ZSWIM9: variants seen among roughly 807,000 people sequenced by gnomAD.
The protein encoded by ZSWIM9 is zinc finger SWIM-type containing 9.
Under a neutral mutation model 25.0 loss-of-function variants are expected in ZSWIM9, and 11 were observed. That is an observed-to-expected ratio of 0.44 (90% CI 0.28 to 0.73). ZSWIM9 has a LOEUF of 0.73. Ranked by LOEUF, ZSWIM9 falls within the 30% of genes least tolerant of loss-of-function variation. ZSWIM9 has a pLI of 0.16. For missense variants in ZSWIM9, 1,070 were observed against 1,296.5 expected (o/e 0.83, Z 2.68); for synonymous variants, 562 against 582.1 (o/e 0.97, Z 0.50).
Position 48,195,295 on chromosome 19 carries a change from C to T in ZSWIM9, c.1231C>T (p.Arg411Trp), listed in dbSNP as rs1015013177. 5.9e-6 allele frequency: 9 copies of T among 1,530,100 alleles called. No homozygotes were observed. The highest frequency in any genetic ancestry group is 7.9e-6 in the Non-Finnish European group (9 of 1,144,274). 94.8% of individuals were successfully genotyped at this position (1,530,100 alleles called of 1,614,324 possible). A position where few individuals can be genotyped will look rare whatever the true frequency, so the allele number is the denominator to read the frequency against. Reference protein sequence around the residue: ...DACALVRGHRRRLLRRLSPSR... With the variant: ...DACALVRGHRWRLLRRLSPSR... ...GTGTGCCCTGGTGCGAGGCCACCGCCGGCGACTGCTGCGTCGTCTCAGCCC... is the reference window on the plus strand; with the variant it reads ...GTGTGCCCTGGTGCGAGGCCACCGCTGGCGACTGCTGCGTCGTCTCAGCCC... Residue 411 changes from arginine to tryptophan, a missense_variant, in exon 4 of 4, where the codon CGG becomes TGG. Physicochemically the swap from Arg to Trp is moderately radical, Grantham distance 101. This residue lies in a region of ZSWIM9 where 184 missense variants were observed against 243.1 expected (regional missense o/e 0.76). Transcript: ENST00000614654. The surrounding 1 kb of genome is among the most constrained non-coding windows in gnomAD (Gnocchi z 5.8).
Position 48,195,895 on chromosome 19 carries a change from G to C in ZSWIM9, c.1831G>C (p.Gly611Arg). 1 of 1,392,874 alleles carries C rather than the reference G, an allele frequency of 7.2e-7. No individual in the cohort carries two copies. The highest frequency in any genetic ancestry group is 9.3e-7 in the Non-Finnish European group (1 of 1,078,252). The allele number at this position is 1,392,874 out of a possible 1,614,324, so 86.3% of individuals were successfully genotyped here. A position where few individuals can be genotyped will look rare whatever the true frequency, so the allele number is the denominator to read the frequency against. ...EDRRSTTDLR[G>R]TQFDYERVRS... is the part of the protein sequence containing the mutation. ...TCGCAGGAGTACCACCGACCTGAGG[G>C]GGACCCAGTTTGACTATGAGAGGGT... Residue 611 changes from glycine (G) to arginine (R), a missense_variant, in exon 4 of 4, where the codon GGG (glycine) becomes CGG (arginine). Around this residue, in one of 4 missense-constraint regions of ZSWIM9, gnomAD observed 583 missense variants for 624.7 expected, o/e 0.93. Coordinates refer to ENST00000614654, the MANE Select transcript of ZSWIM9 (RefSeq NM_199341.4). The surrounding 1 kb of genome is among the most constrained non-coding windows in gnomAD (Gnocchi z 5.8).
Position 48,195,406 on chromosome 19 carries a change from G to A in ZSWIM9, c.1342G>A (p.Asp448Asn), listed in dbSNP as rs1405562774. ...AAGEAVPEGP[D>N]GGGPWLEDEP... ...CGGGGAGGCGGTGCCCGAGGGGCCC[G>A]ATGGCGGGGGGCCTTGGCTGGAGGA... Residue 448 changes from aspartate (D) to asparagine (N), a missense_variant, in exon 4 of 4, where the codon GAT (aspartate) becomes AAT (asparagine). Asp to Asn is a conservative substitution (Grantham distance 23). Transcript: ENST00000614654. The surrounding 1 kb of genome is among the most constrained non-coding windows in gnomAD (Gnocchi z 5.8). 1.4e-6 allele frequency: 2 copies of A among 1,467,010 alleles called. No individual in the cohort carries two copies. The highest frequency in any genetic ancestry group is 2.6e-5 in the Admixed American group (1 of 39,082). 90.9% of individuals were successfully genotyped at this position (1,467,010 alleles called of 1,614,324 possible).
In ZSWIM9 at chr19:48,195,598, G is replaced by A. The variant is rs2037151547; in HGVS notation, c.1534G>A (p.Gly512Ser). The change falls in exon 4 of 4, where the codon GGT becomes AGT. Residue 512 changes from glycine (G) to serine (S), a missense_variant. Gly to Ser is a moderately conservative substitution (Grantham distance 56). Around this residue, in one of 4 missense-constraint regions of ZSWIM9, gnomAD observed 583 missense variants for 624.7 expected, o/e 0.93. Coordinates refer to ENST00000614654, the MANE Select transcript of ZSWIM9 (RefSeq NM_199341.4). This position sits in a 1 kb window ranked among gnomAD's most constrained non-coding sequence, Gnocchi z 5.8. ...AGACTGGGGCGGGGCTCAGTTCGAA[G>A]GTGAGAAGGGGAGGGCACTGCAGAT... ...TRDWGGAQFE[G>S]EKGRALQIRD... The A allele has an allele frequency of 3.5e-6, 5 of 1,420,768 alleles. No individual in the cohort carries two copies. The highest frequency in any genetic ancestry group is 3.0e-5 in the Admixed American group (1 of 33,078). 88.0% of individuals were successfully genotyped at this position (1,420,768 alleles called of 1,614,324 possible). A position where few individuals can be genotyped will look rare whatever the true frequency, so the allele number is the denominator to read the frequency against.
intron 2 of ZSWIM9, among the ~76,000 whole-genome samples, chr19:48,175,390 G>A (rs527731815): frequency 3.9e-5 from 6 of 152,108 alleles, no homozygotes; most frequent in African/African-American, 1.2e-4. Flanking sequence ...TCACTCTCTC[G>A]AGCTGCTCAA....
chr19:48,179,166 T>G (rs894560088), intron 2 of ZSWIM9, among the ~76,000 whole-genome samples: 4 of 152,090 alleles, frequency 2.6e-5, no homozygotes, highest in African/African-American at 9.7e-5. Flanking sequence ...CCCTTTCTTT[T>G]ATTTTCTTTT....
In ZSWIM9 at chr19:48,195,439, G is replaced by A. The variant is rs1349733405; in HGVS notation, c.1375G>A (p.Gly459Arg). The A allele has an allele frequency of 9.7e-6, 14 of 1,441,188 alleles. No individual in the cohort carries two copies. The East Asian group carries it at 3.8e-4, about 39-fold the overall frequency. The allele number at this position is 1,441,188 out of a possible 1,614,324, so 89.3% of individuals were successfully genotyped here. A position where few individuals can be genotyped will look rare whatever the true frequency, so the allele number is the denominator to read the frequency against. ...GGGGCCTTGGCTGGAGGATGAGCCA[G>A]GGAGGGGAGCCCAGGGGGAGAACGA... ...GGGPWLEDEP[G>R]RGAQGENERV... Residue 459 changes from glycine to arginine, a missense_variant, in exon 4 of 4, where the codon GGG (glycine) becomes AGG (arginine). Coordinates refer to ENST00000614654, the MANE Select transcript of ZSWIM9 (RefSeq NM_199341.4). The surrounding 1 kb of genome is among the most constrained non-coding windows in gnomAD (Gnocchi z 5.8).
intron 3 of ZSWIM9, among the ~76,000 whole-genome samples, chr19:48,185,155 T>G (rs1450472312): frequency 6.6e-6 from 1 of 151,172 alleles, no homozygotes; most frequent in Non-Finnish European, 1.5e-5. Context: ...TTTTTTTTTT[T>G]TGAGACGGAG....
In ZSWIM9 at chr19:48,194,811, G is replaced by A; in HGVS notation, c.747G>A (p.Val249=). Reference sequence around the variant, plus strand: ...TGGATCTGCTGGCCGTGCTGTGCGTGGACGGCTCGGGCCGTGCGCGCCAGG... The same window carrying A: ...TGGATCTGCTGGCCGTGCTGTGCGTAGACGGCTCGGGCCGTGCGCGCCAGG... ...GALDLLAVLC[V]DGSGRARQAA... is the part of the protein sequence containing the mutation. The change falls in exon 4 of 4, where the codon GTG becomes GTA. Residue 249 remains valine (V), a synonymous_variant. Coordinates refer to ENST00000614654, the MANE Select transcript of ZSWIM9 (RefSeq NM_199341.4). The surrounding 1 kb of genome is among the most constrained non-coding windows in gnomAD (Gnocchi z 6.0). 6.6e-7 allele frequency: 1 copy of A among 1,510,488 alleles called. No individual in the cohort carries two copies. Among genetic ancestry groups the A allele is most frequent in the South Asian group, 1.2e-5 (1 of 81,304 alleles). The allele number at this position is 1,510,488 out of a possible 1,614,324, so 93.6% of individuals were successfully genotyped here.
At position 48,182,387 on chromosome 19, in the gene ZSWIM9, A is replaced by AC. The variant is rs1555786746; in HGVS notation, c.276-68_276-67insC. The AC allele has an allele frequency of 1.6e-6, 2 of 1,236,890 alleles. No homozygotes were observed. Among genetic ancestry groups the AC allele is most frequent in the African/African-American group, 3.1e-5 (2 of 65,102 alleles). 76.6% of individuals were successfully genotyped at this position (1,236,890 alleles called of 1,614,324 possible). On this transcript the variant is annotated intron_variant, in intron 2 of 3. Coordinates refer to ENST00000614654, the MANE Select transcript of ZSWIM9 (RefSeq NM_199341.4). The surrounding 1 kb of genome is among the most constrained non-coding windows in gnomAD (Gnocchi z 4.6). Reference sequence around the variant, plus strand: ...AATTCTTAGTTTAAAAAAAAAAAAAAGGTGAGTGGAAAGGAAGAAGAGGGC... The same window carrying AC: ...AATTCTTAGTTTAAAAAAAAAAAAAACGGTGAGTGGAAAGGAAGAAGAGGGC...
intron 2 of ZSWIM9, chr19:48,180,754 C>CTTTTTTTT (rs71297705): frequency 4.3e-4 from 58 of 134,478 alleles, no homozygotes; most frequent in African/African-American, 6.7e-4. Context: ...TTTCTTTTTT[C>CTTTTTTTT]TTTTTTTTTT....
At chr19:48,172,348 G>A (rs921807253) in intron 2 of ZSWIM9, among the ~76,000 whole-genome samples, 4 of 150,432 alleles carry the variant, frequency 2.7e-5, no homozygotes, top group Non-Finnish European at 4.4e-5. Flanking sequence ...ATGGAGTCTC[G>A]CTCTGTCGCC....
chr19:48,174,305 T>C (rs1275217179), intron 2 of ZSWIM9, among the ~76,000 whole-genome samples: 2 of 152,048 alleles, frequency 1.3e-5, no homozygotes, highest in Non-Finnish European at 2.9e-5. Context: ...TCTCATCCTT[T>C]GAAATGGGGT....
At position 48,191,092 on chromosome 19, in the gene ZSWIM9, ATGTG is replaced by A. The variant is rs940221946; in HGVS notation, c.589-3530_589-3527del. ...GTGAGAAAGTGCAGTGTGTATGTGTATGTGTGTGTGTGTGTGTGTGTGTGTGTGT... is the reference window on the plus strand; with the variant it reads ...GTGAGAAAGTGCAGTGTGTATGTGTATGTGTGTGTGTGTGTGTGTGTGTGT... On this transcript the variant is annotated intron_variant, in intron 3 of 3. Coordinates refer to ENST00000614654, the MANE Select transcript of ZSWIM9 (RefSeq NM_199341.4). Among the ~76,000 whole-genome samples, 363 of 96,542 alleles carry A rather than the reference ATGTG, an allele frequency of 3.8e-3. 3 individuals carry two copies. Among genetic ancestry groups the A allele is most frequent in the African/African-American group, 9.4e-3 (325 of 34,526 alleles). The allele number at this position is 96,542 out of a possible 152,430, so 63.3% of individuals were successfully genotyped here. A position where few individuals can be genotyped will look rare whatever the true frequency, so the allele number is the denominator to read the frequency against.
intron 3 of ZSWIM9, chr19:48,187,597 AT>A (rs1568579962): frequency 2.4e-5 from 2 of 81,870 alleles, no homozygotes; most frequent in African/African-American, 9.1e-5. Flanking sequence ...ATATAATATA[AT>A]ATTATATATT....
rs1294199017 is a variant in ZSWIM9, at chr19:48,196,477, G to A, written c.2413G>A (p.Glu805Lys). Residue 805 changes from glutamate (E) to lysine (K), a missense_variant, in exon 4 of 4, where the codon GAA becomes AAA. Transcript: ENST00000614654. Reference sequence around the variant, plus strand: ...GGAAGGAGGCGAAGATGGCCCCAGGGAACCAAAGAGGCTTTGCCGACCCCC... The same window carrying A: ...GGAAGGAGGCGAAGATGGCCCCAGGAAACCAAAGAGGCTTTGCCGACCCCC... ...LQEGGEDGPR[E>K]PKRLCRPPGE... 8.1e-7 allele frequency: 1 copy of A among 1,232,662 alleles called. No individual in the cohort carries two copies. Among genetic ancestry groups the A allele is most frequent in the Non-Finnish European group, 1.0e-6 (1 of 988,416 alleles). 76.4% of individuals were successfully genotyped at this position (1,232,662 alleles called of 1,614,324 possible).
chr19:48,187,557 T>TATATAA (rs2037040568), intron 3 of ZSWIM9: 2 of 27,826 alleles, frequency 7.2e-5, no homozygotes, highest in East Asian at 1.4e-3. Context: ...ATTATATATA[T>TATATAA]TATATATAAT....
chr19:48,183,786 A>C (rs2036980572), intron 3 of ZSWIM9, among the ~76,000 whole-genome samples: 1 of 139,078 alleles, frequency 7.2e-6, no homozygotes, highest in South Asian at 2.2e-4. Context: ...ACAGGCGTGC[A>C]CCACCACACC....
At chr19:48,173,983 C>G (rs2036867766) in intron 2 of ZSWIM9, among the ~76,000 whole-genome samples, 1 of 152,144 alleles carries the variant, frequency 6.6e-6, no homozygotes, top group Non-Finnish European at 1.5e-5. Context: ...CCAGCTTCCA[C>G]TGGAACACCG....
chr19:48,185,793 C>T (rs1408818479), intron 3 of ZSWIM9, among the ~76,000 whole-genome samples: 1 of 152,152 alleles, frequency 6.6e-6, no homozygotes, highest in Non-Finnish European at 1.5e-5. Context: ...TCGAGACCAG[C>T]ATGGCCAACA....
Sources: allele counts gnomAD v4.1 joint callset (sites outside exome capture counted in the v4.1 genomes callset), GRCh38; gene constraint gnomAD v4.1.1; regional missense constraint gnomAD v4.1.1; non-coding constraint Gnocchi (gnomAD v3.1); transcripts MANE v1.5; gene names NCBI Gene and HGNC (gene_info 2026-07-23, HGNC 2026-07-21).